Variants in FADD observed in about 807,000 individuals in gnomAD.
FADD encodes FAS-associated death domain protein.
FADD carries 3 observed loss-of-function variants against 5.8 expected under a neutral mutation model. The observed-to-expected ratio is 0.52, with a 90% CI of 0.24 to 1.34. The LOEUF (loss-of-function observed/expected upper bound fraction) is 1.34. FADD is among the 40% of genes most tolerant of loss of function. FADD has a pLI of 0.17. For missense variants in FADD, 249 were observed against 286.7 expected, an observed-to-expected ratio of 0.87 and a Z score of 0.95; for synonymous variants, 138 against 130.8, an observed-to-expected ratio of 1.06 and a Z score of -0.38.
chr11:70,204,071 CCTTTCTGTCTCGGAATATGCTTT>C (rs1439049469), intron 1 of FADD, among the ~76,000 whole-genome samples: 1 of 152,192 alleles, frequency 6.6e-6, no homozygotes, highest in Non-Finnish European at 1.5e-5. Context: ...CGCATCATTT[CCTTTCTGTCTCGGAATATGCTTT>C]TCACGGCTGT....
chr11:70,206,516 G>C lies in FADD; in HGVS notation c.*43G>C. ...CTGGTGGACCACAGGCATCTACACAGCCTGGACTTTGGTTCTCTCCAGGAA... is the reference window on the plus strand; with the variant it reads ...CTGGTGGACCACAGGCATCTACACACCCTGGACTTTGGTTCTCTCCAGGAA... On this transcript the variant is annotated 3_prime_UTR_variant, in exon 2 of 2. Coordinates refer to ENST00000301838, the MANE Select transcript of FADD (RefSeq NM_003824.4). 1 of 1,583,708 alleles carries C rather than the reference G, an allele frequency of 6.3e-7. No homozygotes were observed. The highest frequency in any genetic ancestry group is 1.1e-5 in the South Asian group (1 of 90,136).
chr11:70,206,574 GC>G lies in FADD; in HGVS notation c.*103del. The G allele has an allele frequency of 8.9e-7, 1 of 1,123,748 alleles. No homozygotes were observed. Among genetic ancestry groups the G allele is most frequent in the Non-Finnish European group, 1.3e-6 (1 of 767,676 alleles). 69.6% of individuals were successfully genotyped at this position (1,123,748 alleles called of 1,614,324 possible). A position where few individuals can be genotyped will look rare whatever the true frequency, so the allele number is the denominator to read the frequency against. On this transcript the variant is annotated 3_prime_UTR_variant, in exon 2 of 2. Transcript: ENST00000301838. Reference sequence around the variant, plus strand: ...CAGCACTGTGAAGACCCAGCAGGAAGCCAGGCTGAGTGAGCCACAGACCACC... The same window carrying G: ...CAGCACTGTGAAGACCCAGCAGGAAGCAGGCTGAGTGAGCCACAGACCACC...
At chr11:70,205,216 T>G (rs749424089) in intron 1 of FADD, among the ~76,000 whole-genome samples, 66 of 152,146 alleles carry the variant, frequency 4.3e-4, no homozygotes, top group Non-Finnish European at 5.7e-4. Flanking sequence ...CTGCCTCTCC[T>G]TTCCTCTCTT....
chr11:70,206,467 G>A lies in FADD; in HGVS notation c.621G>A (p.Ala207=), dbSNP rs779953779. The part of the protein sequence containing the change: ...SWNSDASTSE[A]S The stretch of plus-strand genomic sequence containing the variant: ...ACTCAGACGCATCTACCTCCGAAGC[G>A]TCCTGATGGGCCGCTGCTTTGCGCT... Residue 207 remains alanine, a synonymous_variant, in exon 2 of 2, where the codon GCG becomes GCA. Transcript: ENST00000301838. 33 of 1,613,480 alleles carry A rather than the reference G, an allele frequency of 2.0e-5. No homozygotes were observed. The highest frequency in any genetic ancestry group is 5.0e-5 in the Admixed American group (3 of 60,008).
At position 70,203,486 on chromosome 11, in the gene FADD, C is replaced by CTCGGTGTCGTCCAGCCTG; in HGVS notation, c.31_48dup (p.Val11_Ser16dup). ...TGGACCCGTTCCTGGTGCTGCTGCA[C>CTCGGTGTCGTCCAGCCTG]TCGGTGTCGTCCAGCCTGTCGAGCA... On this transcript the variant is annotated inframe_insertion, in exon 1 of 2. Transcript: ENST00000301838. 6.3e-7 allele frequency: 1 copy of CTCGGTGTCGTCCAGCCTG among 1,596,084 alleles called. No individual in the cohort carries two copies. The highest frequency in any genetic ancestry group is 8.5e-7 in the Non-Finnish European group (1 of 1,171,820).
Position 70,206,816 on chromosome 11 carries a change from A to T in FADD, c.*343A>T, listed in dbSNP as rs2049465471. The T allele has an allele frequency of 6.0e-6, 2 of 333,918 alleles. No homozygotes were observed. The highest frequency in any genetic ancestry group is 1.1e-5 in the Non-Finnish European group (2 of 175,316). 20.7% of individuals were successfully genotyped at this position (333,918 alleles called of 1,614,324 possible). On this transcript the variant is annotated 3_prime_UTR_variant, in exon 2 of 2. Coordinates refer to ENST00000301838, the MANE Select transcript of FADD (RefSeq NM_003824.4). Reference sequence around the variant, plus strand: ...CAGTCACACTGTTACTCCACAGCGGAGGAGACCAGCTCAGAGGCCCAGGAA... The same window carrying T: ...CAGTCACACTGTTACTCCACAGCGGTGGAGACCAGCTCAGAGGCCCAGGAA...
Position 70,206,188 on chromosome 11 carries a change from G to C in FADD, c.342G>C (p.Arg114Ser), listed in dbSNP as rs772999577. ...ICDNVGKDWR[R>S]LARQLKVSDT... ...ATAATGTGGGGAAAGATTGGAGAAG[G>C]CTGGCTCGTCAGCTCAAAGTCTCAG... The change falls in exon 2 of 2, where the codon AGG (arginine) becomes AGC (serine). Residue 114 changes from arginine to serine, a missense_variant. Coordinates refer to ENST00000301838, the MANE Select transcript of FADD (RefSeq NM_003824.4). 1.9e-6 allele frequency: 3 copies of C among 1,614,088 alleles called. No homozygotes were observed. In the African/African-American group the frequency reaches 4.0e-5, roughly 22 times the overall value.
At position 70,206,326 on chromosome 11, in the gene FADD, C is replaced by A; in HGVS notation, c.480C>A (p.His160Gln). Reference protein sequence around the residue: ...NTEKENATVAHLVGALRSCQM... With the variant: ...NTEKENATVAQLVGALRSCQM... ...AGAAGGAGAACGCAACAGTGGCCCACCTGGTGGGGGCTCTCAGGTCCTGCC... is the reference window on the plus strand; with the variant it reads ...AGAAGGAGAACGCAACAGTGGCCCAACTGGTGGGGGCTCTCAGGTCCTGCC... Residue 160 changes from histidine to glutamine, a missense_variant, in exon 2 of 2, where the codon CAC (histidine) becomes CAA (glutamine). Coordinates refer to ENST00000301838, the MANE Select transcript of FADD (RefSeq NM_003824.4). 6.2e-7 allele frequency: 1 copy of A among 1,614,178 alleles called. No individual in the cohort carries two copies. The highest frequency in any genetic ancestry group is 8.5e-7 in the Non-Finnish European group (1 of 1,180,026).
At chr11:70,203,783 T>G (rs976047180) in intron 1 of FADD, 38 bp downstream of exon 1, 215 of 1,079,862 alleles carry the variant, frequency 2.0e-4, no homozygotes, top group Non-Finnish European at 2.5e-4. Flanking sequence ...CAGGGCCTGG[T>G]CGCCCGGCTG....
rs1310852928 is a variant in FADD, at chr11:70,207,377, C to A, written c.*904C>A. ...TATTAAAACACAGCTTTACAACTTCCATACTACAAAAAATTTTCTATTCCT... is the reference window on the plus strand; with the variant it reads ...TATTAAAACACAGCTTTACAACTTCAATACTACAAAAAATTTTCTATTCCT... On this transcript the variant is annotated 3_prime_UTR_variant, in exon 2 of 2. Coordinates refer to ENST00000301838, the MANE Select transcript of FADD (RefSeq NM_003824.4). The A allele has an allele frequency of 1.3e-5, 2 of 152,120 alleles. No individual in the cohort carries two copies. Among genetic ancestry groups the A allele is most frequent in the African/African-American group, 4.8e-5 (2 of 41,426 alleles). 9.4% of individuals were successfully genotyped at this position (152,120 alleles called of 1,614,324 possible).
In FADD at chr11:70,203,450, A is replaced by C. The variant is rs1325244763; in HGVS notation, c.-10A>C. ...CCGGGCCGCAGCCCCGGCCGCTTGC[A>C]GACCCCGCCATGGACCCGTTCCTGG... On this transcript the variant is annotated 5_prime_UTR_variant, in exon 1 of 2. Coordinates refer to ENST00000301838, the MANE Select transcript of FADD (RefSeq NM_003824.4). 26 of 1,565,596 alleles carry C rather than the reference A, an allele frequency of 1.7e-5. No homozygotes were observed. Among genetic ancestry groups the C allele is most frequent in the Non-Finnish European group, 2.2e-5 (26 of 1,155,620 alleles).
In FADD at chr11:70,206,541, A is replaced by G; in HGVS notation, c.*68A>G. On this transcript the variant is annotated 3_prime_UTR_variant, in exon 2 of 2. Coordinates refer to ENST00000301838, the MANE Select transcript of FADD (RefSeq NM_003824.4). Reference sequence around the variant, plus strand: ...GCCTGGACTTTGGTTCTCTCCAGGAAGGTAGCCCAGCACTGTGAAGACCCA... The same window carrying G: ...GCCTGGACTTTGGTTCTCTCCAGGAGGGTAGCCCAGCACTGTGAAGACCCA... 6.8e-7 allele frequency: 1 copy of G among 1,463,528 alleles called. No homozygotes were observed. The highest frequency in any genetic ancestry group is 2.3e-5 in the East Asian group (1 of 42,850). The allele number at this position is 1,463,528 out of a possible 1,614,324, so 90.7% of individuals were successfully genotyped here.
intron 1 of FADD, among the ~76,000 whole-genome samples, chr11:70,204,838 A>G (rs2049447468): frequency 6.6e-6 from 1 of 152,166 alleles, no homozygotes; most frequent in African/African-American, 2.4e-5. Context: ...CTGACATTTG[A>G]GATGTATGTG....
chr11:70,205,123 C>A (rs894835567), intron 1 of FADD, among the ~76,000 whole-genome samples: 3 of 151,858 alleles, frequency 2.0e-5, no homozygotes, highest in African/African-American at 7.2e-5. Flanking sequence ...AGTGCCCAGC[C>A]CACAGGGCTG....
At chr11:70,205,680 C>T (rs1029771457) in intron 1 of FADD, among the ~76,000 whole-genome samples, 1 of 152,182 alleles carries the variant, frequency 6.6e-6, no homozygotes, top group Non-Finnish European at 1.5e-5. Flanking sequence ...CCTCAGCTTA[C>T]CTTTGCAAAG....
chr11:70,204,115 T>TA (rs2049442508), intron 1 of FADD, among the ~76,000 whole-genome samples: 1 of 152,232 alleles, frequency 6.6e-6, no homozygotes, highest in Non-Finnish European at 1.5e-5. Flanking sequence ...CTGAGAGTAA[T>TA]ACTAGCATTC....
chr11:70,203,525 G>C lies in FADD; in HGVS notation c.66G>C (p.Glu22Asp). ...SSSLSSSELT[E>D]LKFLCLGRVG... is the part of the protein sequence containing the mutation. Reference sequence around the variant, plus strand: ...GCCTGTCGAGCAGCGAGCTGACCGAGCTCAAGTTCCTATGCCTCGGGCGCG... The same window carrying C: ...GCCTGTCGAGCAGCGAGCTGACCGACCTCAAGTTCCTATGCCTCGGGCGCG... The change falls in exon 1 of 2, where the codon GAG becomes GAC. Residue 22 changes from glutamate to aspartate, a missense_variant. Glu to Asp is a conservative substitution (Grantham distance 45). Coordinates refer to ENST00000301838, the MANE Select transcript of FADD (RefSeq NM_003824.4). The C allele has an allele frequency of 2.5e-6, 4 of 1,611,430 alleles. No homozygotes were observed. The highest frequency in any genetic ancestry group is 3.4e-6 in the Non-Finnish European group (4 of 1,179,246).
In FADD at chr11:70,203,585, C is replaced by T. The variant is rs1565301418; in HGVS notation, c.126C>T (p.Gly42=). 2.5e-6 allele frequency: 4 copies of T among 1,612,176 alleles called. No homozygotes were observed. Among genetic ancestry groups the T allele is most frequent in the Non-Finnish European group, 1.7e-6 (2 of 1,179,572 alleles). Residue 42 remains glycine, a synonymous_variant, in exon 1 of 2, where the codon GGC becomes GGT. Coordinates refer to ENST00000301838, the MANE Select transcript of FADD (RefSeq NM_003824.4). ...GCAAGCTGGAGCGCGTGCAGAGCGGCCTAGACCTCTTCTCCATGCTGCTGG... is the reference window on the plus strand; with the variant it reads ...GCAAGCTGGAGCGCGTGCAGAGCGGTCTAGACCTCTTCTCCATGCTGCTGG... The part of the protein sequence containing the change: ...GKRKLERVQS[G]LDLFSMLLEQ...
chr11:70,206,091 T>G, intron 1 of FADD, 42 bp from the exon 2 acceptor site: 4 of 1,562,934 alleles, frequency 2.6e-6, no homozygotes, highest in Non-Finnish European at 3.5e-6. Flanking sequence ...GGGTCGCTTG[T>G]CTCCAAACCT....
Sources: allele counts gnomAD v4.1 joint callset (sites outside exome capture counted in the v4.1 genomes callset), GRCh38; gene constraint gnomAD v4.1.1; transcripts MANE v1.5; gene names NCBI Gene and HGNC (gene_info 2026-07-23, HGNC 2026-07-21).